The following PDE11A variants were observed in gnomAD, a reference collection of about 807,000 sequenced individuals.
The protein encoded by PDE11A is dual 3',5'-cyclic-AMP and -GMP phosphodiesterase 11A.
In PDE11A, 100 loss-of-function variants were observed where a neutral mutation model predicts 100.5. The observed-to-expected ratio is 1.00, with a 90% CI of 0.85 to 1.18. The LOEUF is 1.18. Ranked by LOEUF, PDE11A falls within the 50% of genes most tolerant of loss-of-function variation. The pLI is 0.00. For missense variants in PDE11A, 1,141 were observed against 1,152.6 expected, an observed-to-expected ratio of 0.99 and a Z score of 0.15; for synonymous variants, 381 against 420.8, an observed-to-expected ratio of 0.91 and a Z score of 1.16.
upstream of PDE11A, among the ~76,000 whole-genome samples, chr2:178,077,268 T>C (rs1300021309): frequency 3.1e-4 from 44 of 144,116 alleles, no homozygotes; most frequent in Middle Eastern, 0.01. Flanking sequence ...TTCTTTTTTT[T>C]TTTTTTTTTT....
rs775965626 is a variant in PDE11A at position 178,072,094 on chromosome 2, C to G, written c.344G>C (p.Arg115Thr). ...CTTCCTTAGCTCTTTCTGAGAAGCT[C>G]TCCGCTGCAGGTTCCCATCGCCCCT... The part of the protein sequence containing the change: ...GSRGDGNLQR[R>T]ASQKELRKSF... Residue 115 changes from arginine (R) to threonine (T), a missense_variant, in exon 1 of 20, where the codon AGA becomes ACA. Transcript: ENST00000286063. 1.9e-6 allele frequency: 3 copies of G among 1,614,158 alleles called. No homozygotes were observed. Among genetic ancestry groups the G allele is most frequent in the South Asian group, 2.2e-5 (2 of 91,080 alleles).
Position 177,625,622 on chromosome 2 carries a change from A to T in PDE11A, c.*3785T>A, listed in dbSNP as rs916914084. On this transcript the variant is annotated 3_prime_UTR_variant, in exon 20 of 20. Transcript: ENST00000286063. ...TAATGCCAAGAGACCTGAGGAAGCA[A>T]ACATAATCTGGTCAGTTTGAGTTTT... is the stretch of plus-strand genomic sequence containing the variant. 2 of 152,250 alleles carry T rather than the reference A, an allele frequency of 1.3e-5. No individual in the cohort carries two copies. Among genetic ancestry groups the T allele is most frequent in the Non-Finnish European group, 2.9e-5 (2 of 68,048 alleles). 9.4% of individuals were successfully genotyped at this position (152,250 alleles called of 1,614,324 possible).
At chr2:178,067,912 G>A (rs185036496) in intron 1 of PDE11A, among the ~76,000 whole-genome samples, 5 of 152,198 alleles carry the variant, frequency 3.3e-5, no homozygotes, top group East Asian at 1.9e-4. Flanking sequence ...ACCCTTCAGC[G>A]TCATCCCCTT....
At chr2:177,675,347 A>G in intron 17 of PDE11A, 108 bp downstream of exon 17, 1 of 817,206 alleles carries the variant, frequency 1.2e-6, no homozygotes, top group South Asian at 1.4e-5. Context: ...TACTGATGCA[A>G]ATTGACTAGG....
chr2:178,082,260 T>A lies in PDE11A; in HGVS notation c.162+22042A>T, dbSNP rs570894458. Among the ~76,000 whole-genome samples the A allele has an allele frequency of 2.6e-5, 4 of 152,234 alleles. No homozygotes were observed. The South Asian group carries it at 8.3e-4, about 32-fold the overall frequency. Reference sequence around the variant, plus strand: ...AAAATAAAAGAAAGAAACAGAACAGTTTCGGTCACATAGTAAACTCTCAAT... The same window carrying A: ...AAAATAAAAGAAAGAAACAGAACAGATTCGGTCACATAGTAAACTCTCAAT... On this transcript the variant is annotated intron_variant, in intron 2 of 20. Transcript: ENST00000358450.
At chr2:177,704,577 A>AAAAT (rs1225673678) in intron 13 of PDE11A, among the ~76,000 whole-genome samples, 5 of 152,152 alleles carry the variant, frequency 3.3e-5, no homozygotes, top group Non-Finnish European at 7.3e-5. Flanking sequence ...AGTGGCAAAA[A>AAAAT]AAATAAATAA....
At chr2:178,103,666 TA>T (rs1473334653) in intron 2 of PDE11A, among the ~76,000 whole-genome samples, 3 of 151,396 alleles carry the variant, frequency 2.0e-5, no homozygotes, top group Non-Finnish European at 4.4e-5. Context: ...AAAAAGGTGA[TA>T]TATATATATA....
intron 1 of PDE11A, among the ~76,000 whole-genome samples, chr2:178,020,699 G>T (rs1290553581): frequency 1.3e-5 from 2 of 152,082 alleles, no homozygotes; most frequent in Non-Finnish European, 2.9e-5. Context: ...TCGGCAGGCT[G>T]AGTCAGGAAA....
intron 10 of PDE11A, among the ~76,000 whole-genome samples, chr2:177,752,060 C>T (rs1482928154): frequency 2.0e-5 from 3 of 152,218 alleles, no homozygotes; most frequent in South Asian, 2.1e-4. Flanking sequence ...ACCTCTGCAG[C>T]GCTCACCACG....
At chr2:177,840,404 G>T in intron 5 of PDE11A, 21 bp from the exon 6 acceptor site, 1 of 1,611,904 alleles carries the variant, frequency 6.2e-7, no homozygotes, top group Admixed American at 1.7e-5. Flanking sequence ...ACCAAGGTAG[G>T]CAGGAAGAAA....
chr2:177,861,073 CTGG>C, intron 5 of PDE11A, among the ~76,000 whole-genome samples: 1 of 151,718 alleles, frequency 6.6e-6, no homozygotes, highest in Non-Finnish European at 1.5e-5. Context: ...TAACAATGTA[CTGG>C]AGGTTCTAGA....
intron 5 of PDE11A, among the ~76,000 whole-genome samples, chr2:177,858,841 C>A (rs549723309): frequency 3.3e-5 from 5 of 152,186 alleles, no homozygotes; most frequent in Non-Finnish European, 7.4e-5. Context: ...GACTTGGAAC[C>A]AACCCAAATG....
intron 2 of PDE11A, among the ~76,000 whole-genome samples, chr2:177,954,979 C>T (rs1330464600): frequency 6.6e-6 from 1 of 152,110 alleles, no homozygotes; most frequent in Non-Finnish European, 1.5e-5. Context: ...ACTAAAAAAG[C>T]AATATTCTCC....
intron 15 of PDE11A, among the ~76,000 whole-genome samples, chr2:177,683,010 C>T (rs73979519): frequency 0.039 from 5,906 of 152,200 alleles, 379 homozygotes; most frequent in African/African-American, 0.13. Flanking sequence ...AAACTTAGTG[C>T]TGACCCTCTG....
chr2:177,758,296 C>CA (rs78765770), intron 10 of PDE11A, among the ~76,000 whole-genome samples: 1,455 of 63,696 alleles, frequency 0.023, 29 homozygotes, highest in East Asian at 0.043. Flanking sequence ...GACTCCGTCT[C>CA]AAAAAAAAAA....
At chr2:177,763,856 G>A (rs1038726664) in intron 10 of PDE11A, among the ~76,000 whole-genome samples, 4 of 152,122 alleles carry the variant, frequency 2.6e-5, no homozygotes, top group Non-Finnish European at 5.9e-5. Flanking sequence ...AGAAAGGAGC[G>A]CCACCTGGTG....
At chr2:178,007,283 T>C (rs1433815355) in intron 2 of PDE11A, among the ~76,000 whole-genome samples, 3 of 152,202 alleles carry the variant, frequency 2.0e-5, no homozygotes, top group Non-Finnish European at 4.4e-5. Context: ...AAGCTATTAC[T>C]GAATTACAGA....
chr2:177,885,828 A>T (rs961161850), intron 4 of PDE11A, among the ~76,000 whole-genome samples: 1 of 152,154 alleles, frequency 6.6e-6, no homozygotes, highest in Non-Finnish European at 1.5e-5. Flanking sequence ...AGGACCAAGG[A>T]GCTAAGGAGG....
chr2:178,050,829 C>T (rs1023897663), intron 1 of PDE11A, among the ~76,000 whole-genome samples: 26 of 152,284 alleles, frequency 1.7e-4, no homozygotes, highest in African/African-American at 6.3e-4. Flanking sequence ...AAGAAATGAA[C>T]AAAGCCTCCA....
Sources: allele counts gnomAD v4.1 joint callset (sites outside exome capture counted in the v4.1 genomes callset), GRCh38; gene constraint gnomAD v4.1.1; transcripts MANE v1.5; gene names NCBI Gene and HGNC (gene_info 2026-07-23, HGNC 2026-07-21).